The following PCDHGA7 variants were observed in gnomAD, a reference collection of about 807,000 sequenced individuals.
PCDHGA7 encodes protocadherin gamma-A7.
Under a neutral mutation model 58.3 loss-of-function variants are expected in PCDHGA7, and 44 were observed. The observed-to-expected ratio is 0.75, with a 90% CI of 0.59 to 0.97. The LOEUF is 0.97. Among genes scored for constraint, PCDHGA7 ranks in the 50% least tolerant of loss-of-function variants. The pLI is 0.00. For missense variants in PCDHGA7, 1,266 were observed against 1,188.7 expected (o/e 1.06, Z -0.96); for synonymous variants, 516 against 504.2 (o/e 1.02, Z -0.31).
chr5:141,466,121 C>CA (rs908379481), intron 1 of PCDHGA7, among the ~76,000 whole-genome samples: 24 of 146,876 alleles, frequency 1.6e-4, no homozygotes, highest in East Asian at 8.0e-4. Context: ...GACTCCAGCT[C>CA]AAAAAAAAAA....
Position 141,491,754 on chromosome 5 carries a change from C to T in PCDHGA7, c.2425-3053C>T. ...CCCCTGGGGGCGGCACTGGAGAAGC[C>T]GCCCGTCCTCATAAGGGATTGAACT... On this transcript the variant is annotated intron_variant, in intron 1 of 3. Transcript: ENST00000518325. The surrounding 1 kb of genome is among the most constrained non-coding windows in gnomAD (Gnocchi z 6.9). 5.7e-6 allele frequency: 9 copies of T among 1,582,682 alleles called. No individual in the cohort carries two copies. The highest frequency in any genetic ancestry group is 7.7e-6 in the Non-Finnish European group (9 of 1,165,614).
At chr5:141,420,061 G>A (rs376044810) in intron 1 of PCDHGA7, 3 of 1,613,958 alleles carry the variant, frequency 1.9e-6, no homozygotes, top group Non-Finnish European at 2.5e-6. Flanking sequence ...TCTGCTCCAA[G>A]TCCGGACCTG....
chr5:141,502,457 A>G lies in PCDHGA7; in HGVS notation c.2484-2936A>G, dbSNP rs950959171. 6.6e-5 allele frequency among the ~76,000 whole-genome samples: 10 copies of G among 151,926 alleles called. No individual in the cohort carries two copies. The South Asian group carries it at 1.7e-3, about 25-fold the overall frequency. On this transcript the variant is annotated intron_variant, in intron 2 of 3. Coordinates refer to ENST00000518325, the MANE Select transcript of PCDHGA7 (RefSeq NM_018920.4). The stretch of plus-strand genomic sequence containing the variant: ...TTAGATTCAGATTACACACCTTGGT[A>G]GGAATACTTCCCGCAGCATCACACT...
chr5:141,489,148 C>G lies in PCDHGA7; in HGVS notation c.2425-5659C>G. 1 of 895,318 alleles carries G rather than the reference C, an allele frequency of 1.1e-6. No individual in the cohort carries two copies. Among genetic ancestry groups the G allele is most frequent in the Non-Finnish European group, 1.7e-6 (1 of 589,254 alleles). The allele number at this position is 895,318 out of a possible 1,614,324, so 55.5% of individuals were successfully genotyped here. A position where few individuals can be genotyped will look rare whatever the true frequency, so the allele number is the denominator to read the frequency against. ...CAGTTTTTAAGAGGCTGGAAGGAGA[C>G]ATAAGAGACTTCAGCTGCTGCATTC... On this transcript the variant is annotated intron_variant, in intron 1 of 3. Transcript: ENST00000518325. This position sits in a 1 kb window ranked among gnomAD's most constrained non-coding sequence, Gnocchi z 4.5.
chr5:141,435,904 C>G (rs967350870), intron 1 of PCDHGA7, among the ~76,000 whole-genome samples: 2 of 152,068 alleles, frequency 1.3e-5, no homozygotes, highest in Admixed American at 6.5e-5. Context: ...TGAAAGACAT[C>G]CAAGGGCTCT....
intron 1 of PCDHGA7, chr5:141,400,748 C>A: frequency 5.0e-6 from 3 of 604,576 alleles, no homozygotes; most frequent in Non-Finnish European, 8.6e-6. Context: ...TTGCTCTTAG[C>A]TTCCTCTCTA....
chr5:141,431,318 G>C lies in PCDHGA7; in HGVS notation c.2424+45995G>C. 1 of 1,614,086 alleles carries C rather than the reference G, an allele frequency of 6.2e-7. No homozygotes were observed. Among genetic ancestry groups the C allele is most frequent in the African/African-American group, 1.3e-5 (1 of 75,050 alleles). On this transcript the variant is annotated intron_variant, in intron 1 of 3. Transcript: ENST00000518325. The surrounding 1 kb of genome is among the most constrained non-coding windows in gnomAD (Gnocchi z 4.8). ...CTCCCTCATCGTGCAAAATGGAGCC[G>C]ACGGTAGTAAGTACCCCGAATTGGT...
chr5:141,409,941 G>T, intron 1 of PCDHGA7: 1 of 1,613,226 alleles, frequency 6.2e-7, no homozygotes, highest in South Asian at 1.1e-5. Flanking sequence ...ATGGTACCTC[G>T]CTCTGCAGAG....
chr5:141,394,803 G>A lies in PCDHGA7; in HGVS notation c.2424+9480G>A, dbSNP rs143444747. The A allele has an allele frequency of 2.5e-6, 4 of 1,613,844 alleles. No homozygotes were observed. In the African/African-American group the frequency reaches 4.0e-5, roughly 16 times the overall value. On this transcript the variant is annotated intron_variant, in intron 1 of 3. Coordinates refer to ENST00000518325, the MANE Select transcript of PCDHGA7 (RefSeq NM_018920.4). Reference sequence around the variant, plus strand: ...CGCCACTGTCACGCTCACCGTAGCCGTGGCTGACAGCATCCCCGAAGTCCT... The same window carrying A: ...CGCCACTGTCACGCTCACCGTAGCCATGGCTGACAGCATCCCCGAAGTCCT...
intron 1 of PCDHGA7, chr5:141,427,677 C>T: frequency 1.2e-6 from 1 of 816,672 alleles, no homozygotes; most frequent in Non-Finnish European, 2.1e-6. Flanking sequence ...AAACAACCTT[C>T]CCGGAGCCTC....
At chr5:141,455,075 G>A (rs1050636999) in intron 1 of PCDHGA7, among the ~76,000 whole-genome samples, 2 of 151,830 alleles carry the variant, frequency 1.3e-5, no homozygotes, top group African/African-American at 4.8e-5. Context: ...GCCTCCCAAA[G>A]TGCTGGGATT....
In PCDHGA7 at chr5:141,426,319, C is replaced by A. The variant is rs572457971; in HGVS notation, c.2424+40996C>A. On this transcript the variant is annotated intron_variant, in intron 1 of 3. Coordinates refer to ENST00000518325, the MANE Select transcript of PCDHGA7 (RefSeq NM_018920.4). ...CAGGGTGAAGCAGAGAAGCAGGACC[C>A]GGCAGTGGCAAGCACTCTTCCCTTT... 9 of 175,482 alleles carry A rather than the reference C, an allele frequency of 5.1e-5. No homozygotes were observed. In the East Asian group the frequency reaches 6.8e-4, roughly 13 times the overall value. The allele number at this position is 175,482 out of a possible 1,614,324, so 10.9% of individuals were successfully genotyped here.
At chr5:141,387,700 G>A (rs1303500403) in intron 1 of PCDHGA7, 1 of 933,942 alleles carries the variant, frequency 1.1e-6, no homozygotes, top group Non-Finnish European at 1.6e-6. Context: ...CGCTTTCCAG[G>A]GCAGCCCCAG....
rs373196114 is a variant in PCDHGA7 at position 141,385,111 on chromosome 5, T to C, written c.2212T>C (p.Ser738Pro). Residue 738 changes from serine to proline, a missense_variant, in exon 1 of 4, where the codon TCG becomes CCG. Ser to Pro is a moderately conservative substitution (Grantham distance 74). Transcript: ENST00000518325. ...AGGTGGCTTGGCGAACGTGCCCACC[T>C]CGCACTTTGTGGGCATGGACGGGGT... ...SEGGLANVPT[S>P]HFVGMDGVQA... 1 of 1,614,188 alleles carries C rather than the reference T, an allele frequency of 6.2e-7. No homozygotes were observed. The highest frequency in any genetic ancestry group is 1.1e-5 in the South Asian group (1 of 91,092).
chr5:141,399,411 C>G lies in PCDHGA7; in HGVS notation c.2424+14088C>G, dbSNP rs375057054. 3.4e-5 allele frequency: 55 copies of G among 1,613,900 alleles called. No individual in the cohort carries two copies. In the African/African-American group the frequency reaches 5.3e-4, roughly 16 times the overall value. On this transcript the variant is annotated intron_variant, in intron 1 of 3. Transcript: ENST00000518325. ...CCACAGACAGGGGCAAGCCGCCCCT[C>G]TCCTCCAGCATAAGCGTCATCCTAC...
Position 141,382,777 on chromosome 5 carries a change from C to G in PCDHGA7, c.-123C>G. The G allele has an allele frequency of 1.2e-6, 1 of 822,390 alleles. No homozygotes were observed. 50.9% of individuals were successfully genotyped at this position (822,390 alleles called of 1,614,324 possible). ...AAGCCCTCTTCCAGGCTGCACTAAA[C>G]TCAAGCCTCTATCCTGCTGGATTCT... On this transcript the variant is annotated 5_prime_UTR_variant, in exon 1 of 4. Transcript: ENST00000518325.
Position 141,491,889 on chromosome 5 carries a change from C to T in PCDHGA7, c.2425-2918C>T, listed in dbSNP as rs2099734763. On this transcript the variant is annotated intron_variant, in intron 1 of 3. Transcript: ENST00000518325. The surrounding 1 kb of genome is among the most constrained non-coding windows in gnomAD (Gnocchi z 6.9). ...GAGTGGCCGATTAAGGGATGGGGCT[C>T]CGAGCACCGGGGGTGGTGGCGACTG... 11 of 1,441,360 alleles carry T rather than the reference C, an allele frequency of 7.6e-6. No individual in the cohort carries two copies. Among genetic ancestry groups the T allele is most frequent in the Non-Finnish European group, 1.0e-5 (11 of 1,090,600 alleles). 89.3% of individuals were successfully genotyped at this position (1,441,360 alleles called of 1,614,324 possible).
intron 2 of PCDHGA7, among the ~76,000 whole-genome samples, chr5:141,500,189 TTTATTTA>T (rs1562193869): frequency 4.5e-5 from 5 of 110,894 alleles, no homozygotes; most frequent in African/African-American, 1.8e-4. Context: ...TTTATTTTTA[TTTATTTA>T]TTTATTTATT....
At chr5:141,457,940 T>G (rs541807221) in intron 1 of PCDHGA7, among the ~76,000 whole-genome samples, 2 of 152,356 alleles carry the variant, frequency 1.3e-5, no homozygotes, top group East Asian at 3.9e-4. Flanking sequence ...TTTTATTGGC[T>G]CTGCATGTCA....
Sources: gnomAD v4.1 joint callset for allele counts (sites outside exome capture counted in the v4.1 genomes callset) on GRCh38, gnomAD v4.1.1 for gene constraint, Gnocchi (gnomAD v3.1) non-coding constraint, MANE v1.5 for transcripts, NCBI Gene and HGNC (gene_info 2026-07-23, HGNC 2026-07-21) for gene names.